The following SHLD1 variants were observed in gnomAD, a reference collection of about 807,000 sequenced individuals.
SHLD1 encodes the protein shieldin complex subunit 1, also known as RINN1-REV7-interacting novel NHEJ regulator 3.
A neutral mutation model predicts 5.5 loss-of-function variants in SHLD1; 3 were observed. The observed-to-expected ratio is 0.54, with a 90% CI of 0.25 to 1.40. SHLD1 has a LOEUF of 1.40. Ranked by LOEUF, SHLD1 falls within the 40% of genes most tolerant of loss-of-function variation. The pLI is 0.15. For missense variants in SHLD1, 210 were observed against 244.4 expected, an observed-to-expected ratio of 0.86 and a Z score of 0.94; for synonymous variants, 92 against 94.3, an observed-to-expected ratio of 0.98 and a Z score of 0.14.
chr20:5,853,566 T>G (rs2088040342), intron 2 of SHLD1, among the ~76,000 whole-genome samples: 1 of 152,190 alleles, frequency 6.6e-6, no homozygotes. Context: ...GGTTATCTGT[T>G]TTTTCCTTAA....
intron 2 of SHLD1, among the ~76,000 whole-genome samples, chr20:5,786,771 T>C (rs1192548685): frequency 6.6e-6 from 1 of 152,136 alleles, no homozygotes. Flanking sequence ...AGATCTTACC[T>C]TTTTTGTTCA....
intron 2 of SHLD1, among the ~76,000 whole-genome samples, chr20:5,820,515 A>G (rs1226241976): frequency 6.6e-6 from 1 of 152,234 alleles, no homozygotes; most frequent in African/African-American, 2.4e-5. Context: ...CCACCCAGTG[A>G]TAGAACACCC....
chr20:5,846,841 T>C (rs2087938267), intron 2 of SHLD1, among the ~76,000 whole-genome samples: 1 of 152,232 alleles, frequency 6.6e-6, no homozygotes, highest in Non-Finnish European at 1.5e-5. Flanking sequence ...TTCCGATCCT[T>C]TAACTTGGTT....
chr20:5,850,146 A>AATAATT (rs2087989523), intron 2 of SHLD1, among the ~76,000 whole-genome samples: 1 of 142,416 alleles, frequency 7.0e-6, no homozygotes, highest in Non-Finnish European at 1.5e-5. Flanking sequence ...TAATAATAAT[A>AATAATT]ATAATTAACT....
intron 2 of SHLD1, among the ~76,000 whole-genome samples, chr20:5,860,356 A>AT (rs1256704242): frequency 1.3e-5 from 2 of 152,162 alleles, no homozygotes; most frequent in African/African-American, 2.4e-5. Context: ...TTTTACAACA[A>AT]TTTTTTAAAA....
chr20:5,803,542 G>A (rs1411231594), intron 2 of SHLD1, among the ~76,000 whole-genome samples: 1 of 151,994 alleles, frequency 6.6e-6, no homozygotes, highest in Non-Finnish European at 1.5e-5. Context: ...CTTCAGGGGA[G>A]TCTCCAGAAT....
intron 2 of SHLD1, among the ~76,000 whole-genome samples, chr20:5,827,798 G>C (rs1443890119): frequency 1.3e-5 from 2 of 152,154 alleles, no homozygotes; most frequent in African/African-American, 2.4e-5. Flanking sequence ...GATTCGACAC[G>C]TACTTCATTA....
At chr20:5,846,867 A>T (rs1485869734) in intron 2 of SHLD1, among the ~76,000 whole-genome samples, 1 of 152,214 alleles carries the variant, frequency 6.6e-6, no homozygotes, top group South Asian at 2.1e-4. Flanking sequence ...TTTATTGCAA[A>T]ATGCAAAACC....
intron 2 of SHLD1, among the ~76,000 whole-genome samples, chr20:5,853,992 G>A (rs1178247558): frequency 6.6e-6 from 1 of 150,646 alleles, no homozygotes; most frequent in African/African-American, 2.4e-5. Flanking sequence ...GGCATTCACT[G>A]CCATGCTCAG....
intron 2 of SHLD1, among the ~76,000 whole-genome samples, chr20:5,844,789 A>T (rs373380155): frequency 0.021 from 2,063 of 100,062 alleles, 56 homozygotes; most frequent in East Asian, 0.1. Flanking sequence ...ATATATATAT[A>T]TATATATATA....
chr20:5,859,002 C>G (rs78270321), intron 2 of SHLD1, among the ~76,000 whole-genome samples: 3,101 of 152,230 alleles, frequency 0.02, 54 homozygotes, highest in Middle Eastern at 0.044. Flanking sequence ...TATAAAAAGG[C>G]AAGTTCCATT....
At chr20:5,835,002 G>A (rs1006796955) in intron 2 of SHLD1, among the ~76,000 whole-genome samples, 1 of 152,140 alleles carries the variant, frequency 6.6e-6, no homozygotes, top group Non-Finnish European at 1.5e-5. Flanking sequence ...TGGAGGTTAG[G>A]ATTTCAACAT....
rs549501354 is a variant in SHLD1 at position 5,853,339 on chromosome 20, G to A, written c.179-9685G>A. On this transcript the variant is annotated intron_variant, in intron 2 of 2. Transcript: ENST00000303142. Reference sequence around the variant, plus strand: ...TGCACGCCTGCAGTCCCAGCTACTCGGGAGGCTGAGGCAGGAGAATCGCTT... The same window carrying A: ...TGCACGCCTGCAGTCCCAGCTACTCAGGAGGCTGAGGCAGGAGAATCGCTT... Among the ~76,000 whole-genome samples, 13 of 152,192 alleles carry A rather than the reference G, an allele frequency of 8.5e-5. No homozygotes were observed. In the South Asian group the frequency reaches 1.2e-3, roughly 15 times the overall value.
chr20:5,831,745 C>T (rs2087731103), intron 2 of SHLD1, among the ~76,000 whole-genome samples: 1 of 152,146 alleles, frequency 6.6e-6, no homozygotes, highest in African/African-American at 2.4e-5. Context: ...CTCTCTCTCT[C>T]TCTCAATTTT....
chr20:5,753,469 G>GTT (rs1983880243), intron 1 of SHLD1, among the ~76,000 whole-genome samples: 1 of 152,136 alleles, frequency 6.6e-6, no homozygotes, highest in Non-Finnish European at 1.5e-5. Context: ...CCTTGGTAAA[G>GTT]TTTTCCTTTT....
At chr20:5,764,962 G>C (rs1984741860) in intron 1 of SHLD1, 1 of 152,126 alleles carries the variant, frequency 6.6e-6, no homozygotes, top group Non-Finnish European at 1.5e-5. Flanking sequence ...TAGAAGAATG[G>C]CTGTCTCCTC....
chr20:5,750,955 C>A (rs1030409110), intron 1 of SHLD1, among the ~76,000 whole-genome samples: 1 of 152,090 alleles, frequency 6.6e-6, no homozygotes, highest in East Asian at 1.9e-4. Flanking sequence ...CCAGATCGCG[C>A]CACTGCACTC....
intron 2 of SHLD1, among the ~76,000 whole-genome samples, chr20:5,835,948 T>C (rs2087783648): frequency 6.6e-6 from 1 of 152,218 alleles, no homozygotes; most frequent in African/African-American, 2.4e-5. Flanking sequence ...TCTCCATTCA[T>C]GCCTCAATCT....
intron 1 of SHLD1, among the ~76,000 whole-genome samples, chr20:5,754,003 G>A (rs540290474): frequency 7.2e-5 from 11 of 152,154 alleles, no homozygotes; most frequent in Admixed American, 5.2e-4. Context: ...GGGTATTACC[G>A]CAGACAAACG....
Sources: gnomAD v4.1 joint callset for allele counts (sites outside exome capture counted in the v4.1 genomes callset) on GRCh38, gnomAD v4.1.1 for gene constraint, MANE v1.5 for transcripts, NCBI Gene and HGNC (gene_info 2026-07-23, HGNC 2026-07-21) for gene names.